NAV1: variants seen among roughly 807,000 people sequenced by gnomAD.
NAV1 encodes the protein neuron navigator 1.
NAV1 carries 18 observed loss-of-function variants against 175.2 expected under a neutral mutation model. That is an observed-to-expected ratio of 0.10 (90% CI 0.07 to 0.15). The LOEUF (loss-of-function observed/expected upper bound fraction) is 0.15, where lower values mean the gene tolerates loss of function less well. NAV1 is among the 10% of genes least tolerant of loss of function. The pLI is 1.00. For synonymous variants in NAV1, 897 were observed against 978.7 expected (o/e 0.92, Z 1.56); for missense variants, 1,731 against 2,436.6 (o/e 0.71, Z 6.10).
chr1:201,782,804 T>G lies in NAV1; in HGVS notation c.2292T>G (p.Thr764=). ...AGAGTATTGGCTCCCCAGAAAGTACTCCCAAGAACCAAGCAAGCCACCCCA... is the reference window on the plus strand; with the variant it reads ...AGAGTATTGGCTCCCCAGAAAGTACGCCCAAGAACCAAGCAAGCCACCCCA... Residue 764 remains threonine (T), a synonymous_variant, in exon 6 of 30, where the codon ACT becomes ACG. Transcript: ENST00000367296. The surrounding 1 kb of genome is among the most constrained non-coding windows in gnomAD (Gnocchi z 5.4). 2 of 1,610,690 alleles carry G rather than the reference T, an allele frequency of 1.2e-6. No homozygotes were observed. The highest frequency in any genetic ancestry group is 1.7e-6 in the Non-Finnish European group (2 of 1,177,906).
In NAV1 at chr1:201,788,133, G is replaced by A. The variant is rs1198388073; in HGVS notation, c.2996-335G>A. Among the ~76,000 whole-genome samples the A allele has an allele frequency of 2.6e-5, 4 of 152,142 alleles. No individual in the cohort carries two copies. Among genetic ancestry groups the A allele is most frequent in the African/African-American group, 4.8e-5 (2 of 41,432 alleles). On this transcript the variant is annotated intron_variant, in intron 9 of 29. Coordinates refer to ENST00000367296, the Ensembl canonical transcript of NAV1. The surrounding 1 kb of genome is among the most constrained non-coding windows in gnomAD (Gnocchi z 5.7). ...GCATCTCATTTTCATCAGCACATCC[G>A]AGTGATGTGAAGGTCTCAGAAAAGC...
chr1:201,710,372 G>T (rs1443611653), intron 1 of NAV1, among the ~76,000 whole-genome samples: 1 of 151,350 alleles, frequency 6.6e-6, no homozygotes, highest in Non-Finnish European at 1.5e-5. Context: ...TTACAGCATT[G>T]AACTCTTGGG....
At chr1:201,784,443 C>T (rs1007756249) in intron 7 of NAV1, among the ~76,000 whole-genome samples, 1 of 152,188 alleles carries the variant, frequency 6.6e-6, no homozygotes, top group Non-Finnish European at 1.5e-5. Context: ...CAGGCATGAG[C>T]CACCACACCT....
At chr1:201,600,789 A>C (rs926214) in intron 2 of NAV1, among the ~76,000 whole-genome samples, 15,425 of 152,168 alleles carry the variant, frequency 0.1, 938 homozygotes, top group East Asian at 0.14. Context: ...CTGAGCCGAA[A>C]AGCCCTCAAG....
intron 1 of NAV1, among the ~76,000 whole-genome samples, chr1:201,624,861 T>A (rs1409702062): frequency 6.6e-6 from 1 of 152,114 alleles, no homozygotes; most frequent in Non-Finnish European, 1.5e-5. Flanking sequence ...TTGTACATCA[T>A]CCCTTACACA....
At chr1:201,724,547 C>G (rs941421842) in intron 3 of NAV1, 2 of 152,282 alleles carry the variant, frequency 1.3e-5, no homozygotes, top group Non-Finnish European at 1.5e-5. Context: ...TGCAGTAACA[C>G]TACTGCCAAG....
chr1:201,648,701 C>G (rs1249401223), exon 1 of NAV1: 1 of 1,423,414 alleles, frequency 7.0e-7, no homozygotes. Flanking sequence ...GCGTGCAGCC[C>G]GAGGTGGAGC....
intron 3 of NAV1, chr1:201,723,749 G>A (rs1463929486): frequency 6.6e-6 from 1 of 152,122 alleles, no homozygotes; most frequent in Non-Finnish European, 1.5e-5. Flanking sequence ...GCTTGCATAG[G>A]CACAGTGATG....
exon 4 of NAV1, chr1:201,780,546 A>T (rs1558155102): frequency 3.1e-6 from 5 of 1,614,160 alleles, no homozygotes; most frequent in Non-Finnish European, 4.2e-6. Flanking sequence ...TCTCGCAGGA[A>T]CTCAACAATA....
rs1676840339 is a variant in NAV1, at chr1:201,787,537, A to G, written c.2996-931A>G. The G allele has an allele frequency of 2.5e-6, 1 of 405,110 alleles. No homozygotes were observed. The highest frequency in any genetic ancestry group is 5.0e-6 in the Non-Finnish European group (1 of 199,616). The allele number at this position is 405,110 out of a possible 1,614,324, so 25.1% of individuals were successfully genotyped here. On this transcript the variant is annotated intron_variant, in intron 9 of 29. Coordinates refer to ENST00000367296, the Ensembl canonical transcript of NAV1. The surrounding 1 kb of genome is among the most constrained non-coding windows in gnomAD (Gnocchi z 4.3). ...GCCAGCTTGTTCTCTATCTCCATTG[A>G]AGACCAAATAAGAAGAATTGCATTT... is the stretch of plus-strand genomic sequence containing the variant.
intron 1 of NAV1, among the ~76,000 whole-genome samples, chr1:201,703,242 C>T (rs2102448069): frequency 6.6e-6 from 1 of 152,326 alleles, no homozygotes; most frequent in Admixed American, 6.5e-5. Context: ...TTGAGGTTCA[C>T]TGGGCAGGAA....
intron 3 of NAV1, among the ~76,000 whole-genome samples, chr1:201,721,983 A>G (rs140590377): frequency 6.6e-6 from 1 of 152,204 alleles, no homozygotes; most frequent in Non-Finnish European, 1.5e-5. Flanking sequence ...AAGAAGGCAA[A>G]TTCTTCAAAC....
chr1:201,804,579 T>TAA lies in NAV1; in HGVS notation c.3648+104_3648+105dup, dbSNP rs377039916. 2,501 of 356,042 alleles carry TAA rather than the reference T, an allele frequency of 7.0e-3. 7 individuals carry two copies. The highest frequency in any genetic ancestry group is 0.018 in the South Asian group (527 of 29,144). 22.1% of individuals were successfully genotyped at this position (356,042 alleles called of 1,614,324 possible). A position where few individuals can be genotyped will look rare whatever the true frequency, so the allele number is the denominator to read the frequency against. ...TATTTCCAGAGCAACTCCCTTCCCC[T>TAA]AAAAAAAAAAAAAAAAAAAAAAATG... On this transcript the variant is annotated intron_variant, in intron 17 of 29. Coordinates refer to ENST00000367296, the Ensembl canonical transcript of NAV1.
upstream of NAV1, among the ~76,000 whole-genome samples, chr1:201,618,076 A>T (rs1445537892): frequency 2.0e-5 from 3 of 152,076 alleles, no homozygotes; most frequent in Non-Finnish European, 4.4e-5. Context: ...TCAGCTTTGG[A>T]GGCATCATCA....
chr1:201,656,753 A>T (rs1043273161), intron 1 of NAV1, among the ~76,000 whole-genome samples: 1 of 152,328 alleles, frequency 6.6e-6, no homozygotes. Context: ...ATTTGCGTGC[A>T]TGTATATGTA....
At chr1:201,780,904 T>G in intron 4 of NAV1, 108 bp from the exon 9 acceptor site, 4 of 1,259,662 alleles carry the variant, frequency 3.2e-6, no homozygotes, top group Non-Finnish European at 4.3e-6. Context: ...TTTGACTTAA[T>G]ACTCTGAGAT....
At chr1:201,579,515 C>T (rs1213786734) in intron 1 of NAV1, among the ~76,000 whole-genome samples, 1 of 152,084 alleles carries the variant, frequency 6.6e-6, no homozygotes, top group Non-Finnish European at 1.5e-5. Flanking sequence ...ACCACCACGC[C>T]TGGATAATTT....
intron 4 of NAV1, 123 bp downstream of exon 8, chr1:201,780,682 G>A: frequency 7.5e-7 from 1 of 1,327,514 alleles, no homozygotes. Context: ...ATAGGCCTTT[G>A]GCCAGGTCAT....
At chr1:201,676,443 A>G (rs910509209) in intron 1 of NAV1, among the ~76,000 whole-genome samples, 1 of 152,350 alleles carries the variant, frequency 6.6e-6, no homozygotes, top group East Asian at 1.9e-4. Flanking sequence ...TCCTAGGCAC[A>G]GGCCCAGCTC....
Sources: gnomAD v4.1 joint callset for allele counts (sites outside exome capture counted in the v4.1 genomes callset) on GRCh38, gnomAD v4.1.1 for gene constraint, Gnocchi (gnomAD v3.1) non-coding constraint, MANE v1.5 for transcripts, NCBI Gene and HGNC (gene_info 2026-07-23, HGNC 2026-07-21) for gene names.